CSDE1: variants seen among roughly 807,000 people sequenced by gnomAD.
CSDE1 encodes cold shock domain containing E1, also known as cold shock domain-containing protein E1.
Under a neutral mutation model 89.3 loss-of-function variants are expected in CSDE1, and 17 were observed. The ratio of observed to expected loss-of-function variants is 0.19; its 90% CI spans 0.13 to 0.29. CSDE1 has a LOEUF of 0.29. Among genes scored for constraint, CSDE1 ranks in the 10% least tolerant of loss-of-function variants. The pLI, the probability that CSDE1 is intolerant of heterozygous loss-of-function variation, is 1.00. For synonymous variants in CSDE1, 322 were observed against 332.8 expected, an observed-to-expected ratio of 0.97 and a Z score of 0.35; for missense variants, 672 against 984.2, an observed-to-expected ratio of 0.68 and a Z score of 4.24.
intron 10 of CSDE1, among the ~76,000 whole-genome samples, chr1:114,731,931 C>A (rs981838579): frequency 5.3e-5 from 8 of 152,168 alleles, no homozygotes; most frequent in African/African-American, 1.9e-4. Context: ...TCTCCTGTCT[C>A]AGCCTCCTGA....
chr1:114,748,707 C>G (rs553083142), intron 2 of CSDE1, among the ~76,000 whole-genome samples: 1 of 152,320 alleles, frequency 6.6e-6, no homozygotes, highest in South Asian at 2.1e-4. Context: ...ATCAGAACAC[C>G]TAGCACCTAC....
intron 2 of CSDE1, among the ~76,000 whole-genome samples, chr1:114,747,176 TA>T (rs1661056462): frequency 6.6e-6 from 1 of 152,236 alleles, no homozygotes; most frequent in African/African-American, 2.4e-5. Context: ...TTATAAGCCT[TA>T]TTCTTTCTTG....
chr1:114,742,371 C>G (rs573687886), intron 2 of CSDE1, among the ~76,000 whole-genome samples: 1 of 152,250 alleles, frequency 6.6e-6, no homozygotes, highest in South Asian at 2.1e-4. Context: ...GACATGAGGT[C>G]AGGAGTTTGG....
rs200679253 is a variant in CSDE1, at chr1:114,751,702, A to AC, written c.-387-1496_-387-1495insG. On this transcript the variant is annotated intron_variant, in intron 1 of 19. Transcript: ENST00000358528. ...AATACTTGGGAAGCTTTAAAAAAAA[A>AC]AAAACAAAAACAAACCTATGCCCAG... is the stretch of plus-strand genomic sequence containing the variant. Among the ~76,000 whole-genome samples the AC allele has an allele frequency of 3.4e-3, 516 of 151,936 alleles. 5 individuals are homozygous for AC. Among genetic ancestry groups the AC allele is most frequent in the African/African-American group, 0.012 (489 of 41,434 alleles).
In CSDE1 at chr1:114,720,697, A is replaced by T; in HGVS notation, c.1894T>A (p.Tyr632Asn). Residue 632 changes from tyrosine to asparagine, a missense_variant, in exon 17 of 20, where the codon TAT (tyrosine) becomes AAT (asparagine). Around this residue, in one of 8 missense-constraint regions of CSDE1, gnomAD observed 206 missense variants for 332.4 expected, o/e 0.62. Transcript: ENST00000358528. ...GCCATCCCAACGATGCCAAATGGAT[A>T]GACCTCACCTTTCATATCGCCTGTA... ...VEEGDMKGEV[Y>N]PFGIVGMANK... 2 of 1,614,224 alleles carry T rather than the reference A, an allele frequency of 1.2e-6. No individual in the cohort carries two copies. The highest frequency in any genetic ancestry group is 1.7e-6 in the Non-Finnish European group (2 of 1,180,032).
chr1:114,737,189 A>G (rs1660450995), intron 5 of CSDE1, among the ~76,000 whole-genome samples: 2 of 152,158 alleles, frequency 1.3e-5, no homozygotes, highest in Admixed American at 6.5e-5. Context: ...AAAAGAAACC[A>G]GAAAAAGATC....
At chr1:114,724,840 A>T (rs1659708981) in intron 15 of CSDE1, among the ~76,000 whole-genome samples, 1 of 152,046 alleles carries the variant, frequency 6.6e-6, no homozygotes, top group South Asian at 2.1e-4. Context: ...CTCCCACCTC[A>T]GCCTCCCAAG....
rs1461313609 is a variant in CSDE1, at chr1:114,734,080, T to C, written c.620A>G (p.Lys207Arg). 1.9e-6 allele frequency: 3 copies of C among 1,612,660 alleles called. No homozygotes were observed. The highest frequency in any genetic ancestry group is 4.5e-5 in the East Asian group (2 of 44,844). ...TTCACTATAGTGAAAGAATATCTCT[T>C]TTACAACATCACCTCTTTCAATAAA... ...FGFIERGDVV[K>R]EIFFHYSEFK... The change falls in exon 8 of 20, where the codon AAA (lysine) becomes AGA (arginine). Residue 207 changes from lysine to arginine, a missense_variant. Physicochemically the swap from Lys to Arg is conservative, Grantham distance 26 (BLOSUM62 2). This residue lies in a region of CSDE1 where 4 missense variants were observed against 28.2 expected (regional missense o/e 0.14). Transcript: ENST00000358528.
intron 16 of CSDE1, 77 bp downstream of exon 16, chr1:114,723,806 A>C (rs1659655522): frequency 2.5e-6 from 4 of 1,590,298 alleles, no homozygotes; most frequent in Middle Eastern, 1.7e-4. Flanking sequence ...TGCAATAAGC[A>C]CCATATTTTA....
chr1:114,754,509 A>T (rs185327137), intron 1 of CSDE1, among the ~76,000 whole-genome samples: 12 of 152,334 alleles, frequency 7.9e-5, no homozygotes, highest in African/African-American at 2.9e-4. Context: ...AGTCTACAAA[A>T]GTCTGCTCAC....
At chr1:114,757,695 G>A (rs150421296) in intron 1 of CSDE1, among the ~76,000 whole-genome samples, 2,185 of 152,018 alleles carry the variant, frequency 0.014, 38 homozygotes, top group African/African-American at 0.05. Flanking sequence ...ACGCGCAGCC[G>A]GCTGGCCTCA....
intron 13 of CSDE1, 70 bp downstream of exon 13, chr1:114,726,913 C>A: frequency 2.0e-6 from 2 of 984,430 alleles, no homozygotes; most frequent in East Asian, 2.5e-5. Context: ...ATTTGAAGAA[C>A]CCATCCTGCA....
intron 16 of CSDE1, among the ~76,000 whole-genome samples, chr1:114,722,653 C>G (rs542809634): frequency 6.6e-6 from 1 of 152,270 alleles, no homozygotes; most frequent in African/African-American, 2.4e-5. Context: ...ACAGCCAGTG[C>G]TGAAGAATGA....
chr1:114,745,320 T>A (rs1359417763), intron 2 of CSDE1, among the ~76,000 whole-genome samples: 1 of 152,204 alleles, frequency 6.6e-6, no homozygotes, highest in African/African-American at 2.4e-5. Flanking sequence ...GGAAATAATA[T>A]AAAGTCTAAC....
chr1:114,724,020 G>T lies in CSDE1; in HGVS notation c.1754-18C>A. On this transcript the variant is annotated intron_variant, in intron 15 of 19. Transcript: ENST00000358528. ...GCCATTCACTACAAAACAAAGGCAG[G>T]TACATCTTTCAATTTTATTTCATCT... 1 of 1,604,224 alleles carries T rather than the reference G, an allele frequency of 6.2e-7. No individual in the cohort carries two copies. Among genetic ancestry groups the T allele is most frequent in the South Asian group, 1.1e-5 (1 of 89,702 alleles).
intron 1 of CSDE1, among the ~76,000 whole-genome samples, chr1:114,755,108 A>G (rs551039003): frequency 7.2e-5 from 11 of 152,252 alleles, no homozygotes; most frequent in Admixed American, 2.6e-4. Flanking sequence ...AAAAATTGAC[A>G]CTGTTACATT....
intron 7 of CSDE1, 103 bp from the exon 8 acceptor site, chr1:114,734,220 T>C: frequency 7.5e-7 from 1 of 1,335,812 alleles, no homozygotes; most frequent in South Asian, 1.4e-5. Flanking sequence ...GTAGTCACAA[T>C]AATATAATTT....
At chr1:114,750,732 C>T (rs116123382) in intron 1 of CSDE1, among the ~76,000 whole-genome samples, 1,961 of 152,214 alleles carry the variant, frequency 0.013, 23 homozygotes, top group Non-Finnish European at 0.022. Context: ...GCAACCAAGG[C>T]TTTTAAATAA....
At chr1:114,740,049 A>G in intron 2 of CSDE1, 159 bp from the exon 3 acceptor site, 1 of 565,206 alleles carries the variant, frequency 1.8e-6, no homozygotes, top group South Asian at 2.6e-5. Flanking sequence ...TAATTTAGCT[A>G]ATAAAACATT....
Sources: gnomAD v4.1 joint callset for allele counts (sites outside exome capture counted in the v4.1 genomes callset) on GRCh38, gnomAD v4.1.1 for gene constraint, gnomAD v4.1.1 regional missense constraint, MANE v1.5 for transcripts, NCBI Gene and HGNC (gene_info 2026-07-23, HGNC 2026-07-21) for gene names.